CSMD1: variants seen among roughly 807,000 people sequenced by gnomAD.
CSMD1 encodes the protein CUB and sushi domain-containing protein 1.
Under a neutral mutation model 417.5 loss-of-function variants are expected in CSMD1, and 213 were observed. That is an observed-to-expected ratio of 0.51 (90% CI 0.46 to 0.57). CSMD1 has a LOEUF of 0.57. Ranked by LOEUF, CSMD1 falls within the 20% of genes least tolerant of loss-of-function variation. The pLI, the probability that CSMD1 is intolerant of heterozygous loss-of-function variation, is 0.00. For synonymous variants in CSMD1, 2,862 were observed against 1,736.8 expected (o/e 1.65, Z -16.11); for missense variants, 6,923 against 4,529.7 (o/e 1.53, Z -15.17).
rs376395541 is a variant in CSMD1, at chr8:3,670,058, G to A, written c.1009+38356C>T. Among the ~76,000 whole-genome samples, 53 of 152,280 alleles carry A rather than the reference G, an allele frequency of 3.5e-4. 3 individuals carry two copies. The South Asian group carries it at 0.01, about 29-fold the overall frequency. ...ATGTTCCTAGGGTCTCACAATTTGT[G>A]ATGGTTAATACTGAGTGTCAACTTG... On this transcript the variant is annotated intron_variant, in intron 7 of 69. Coordinates refer to ENST00000635120, the MANE Select transcript of CSMD1 (RefSeq NM_033225.6).
In CSMD1 at chr8:4,141,157, C is replaced by G. The variant is rs142408666; in HGVS notation, c.416-109058G>C. 6.3e-3 allele frequency among the ~76,000 whole-genome samples: 955 copies of G among 151,238 alleles called. 13 individuals are homozygous for G. The highest frequency in any genetic ancestry group is 7.8e-3 in the Non-Finnish European group (530 of 68,020). ...AAGAGAGCTCCAATAAGTAACAGAA[C>G]GTGTCTCTCACAGTTTCAAAAAATT... On this transcript the variant is annotated intron_variant, in intron 3 of 69. Coordinates refer to ENST00000635120, the MANE Select transcript of CSMD1 (RefSeq NM_033225.6).
At chr8:3,507,627 T>C (rs1379193730) in intron 10 of CSMD1, among the ~76,000 whole-genome samples, 1 of 152,188 alleles carries the variant, frequency 6.6e-6, no homozygotes, top group Admixed American at 6.5e-5. Flanking sequence ...ACCAACAGTG[T>C]AAAAGTGTTC....
intron 25 of CSMD1, among the ~76,000 whole-genome samples, chr8:3,284,980 C>T (rs972467039): frequency 1.3e-5 from 2 of 152,126 alleles, no homozygotes; most frequent in Non-Finnish European, 2.9e-5. Flanking sequence ...AGGTATTTTT[C>T]AGAGTGACTT....
At chr8:3,291,098 G>T (rs538384838) in intron 25 of CSMD1, among the ~76,000 whole-genome samples, 5 of 152,016 alleles carry the variant, frequency 3.3e-5, no homozygotes, top group East Asian at 3.9e-4. Flanking sequence ...GGTTTTTGTC[G>T]TTGGTTCTGT....
At position 4,012,381 on chromosome 8, in the gene CSMD1, G is replaced by C. The variant is rs184340540; in HGVS notation, c.611-14271C>G. 4.1e-4 allele frequency among the ~76,000 whole-genome samples: 62 copies of C among 152,158 alleles called. 2 individuals carry two copies. In the East Asian group the frequency reaches 0.011, roughly 27 times the overall value. On this transcript the variant is annotated intron_variant, in intron 4 of 69. Coordinates refer to ENST00000635120, the MANE Select transcript of CSMD1 (RefSeq NM_033225.6). ...CCTAAATACATTCATTCATTGCCTT[G>C]TTGATCTCATCCAGTTTGCGTCGCG...
In CSMD1 at chr8:4,360,095, A is replaced by G. The variant is rs368575933; in HGVS notation, c.415+59858T>C. Among the ~76,000 whole-genome samples the G allele has an allele frequency of 7.5e-4, 114 of 152,246 alleles. 1 individual carries two copies. The highest frequency in any genetic ancestry group is 2.5e-3 in the South Asian group (12 of 4,820). ...TGGGATCTCGGACAAGTTACTTAAC[A>G]TATCTGTATGTCTGGTTTCCTCTCT... On this transcript the variant is annotated intron_variant, in intron 3 of 69. Transcript: ENST00000635120.
intron 2 of CSMD1, among the ~76,000 whole-genome samples, chr8:4,473,243 T>G (rs1011483231): frequency 2.0e-5 from 3 of 152,222 alleles, no homozygotes; most frequent in East Asian, 3.8e-4. Flanking sequence ...AGCCATTTTG[T>G]AAAATTGTAA....
intron 1 of CSMD1, among the ~76,000 whole-genome samples, chr8:4,984,217 G>C (rs998082185): frequency 7.2e-5 from 11 of 152,172 alleles, no homozygotes; most frequent in Admixed American, 4.6e-4. Flanking sequence ...ACCATCACAG[G>C]ACTTGAAGGG....
intron 3 of CSMD1, among the ~76,000 whole-genome samples, chr8:4,393,342 A>T (rs1200164309): frequency 6.6e-6 from 1 of 152,178 alleles, no homozygotes; most frequent in East Asian, 1.9e-4. Flanking sequence ...GGCAGCAGAA[A>T]AATCATTTTC....
At chr8:3,724,047 A>T (rs540082779) in intron 6 of CSMD1, among the ~76,000 whole-genome samples, 1 of 86,212 alleles carries the variant, frequency 1.2e-5, no homozygotes, top group African/African-American at 2.9e-5. Flanking sequence ...CTATCTGTGT[A>T]AACACAGATT....
At position 3,149,523 on chromosome 8, in the gene CSMD1, G is replaced by C. The variant is rs775546024; in HGVS notation, c.6031+1874C>G. 2.0e-5 allele frequency among the ~76,000 whole-genome samples: 3 copies of C among 152,266 alleles called. No individual in the cohort carries two copies. In the East Asian group the frequency reaches 5.8e-4, roughly 29 times the overall value. On this transcript the variant is annotated intron_variant, in intron 40 of 69. Coordinates refer to ENST00000635120, the MANE Select transcript of CSMD1 (RefSeq NM_033225.6). ...AGACAGAGTCTCGCTCTGTCACCAA[G>C]CTGGAGCGCAGTGGCGTGATCGTGG...
chr8:3,974,398 G>C (rs1013386922), intron 5 of CSMD1, among the ~76,000 whole-genome samples: 4 of 151,874 alleles, frequency 2.6e-5, no homozygotes, highest in African/African-American at 7.2e-5. Flanking sequence ...AATTAAACAT[G>C]TATTTTTATT....
chr8:3,915,503 G>A (rs533747260), intron 5 of CSMD1, among the ~76,000 whole-genome samples: 3 of 151,386 alleles, frequency 2.0e-5, no homozygotes, highest in African/African-American at 7.3e-5. Context: ...CATGAAACAG[G>A]ACATTACTGG....
At chr8:4,499,436 C>T (rs893009810) in intron 2 of CSMD1, among the ~76,000 whole-genome samples, 2 of 152,132 alleles carry the variant, frequency 1.3e-5, no homozygotes, top group African/African-American at 2.4e-5. Flanking sequence ...ATCTGACAGA[C>T]GAAACTGCTC....
intron 38 of CSMD1, among the ~76,000 whole-genome samples, chr8:3,159,007 G>C (rs993774509): frequency 1.3e-5 from 2 of 151,994 alleles, no homozygotes; most frequent in Non-Finnish European, 2.9e-5. Flanking sequence ...CATACCTCTT[G>C]ATATTTTTAA....
chr8:3,202,374 C>T (rs1395838419), intron 31 of CSMD1, among the ~76,000 whole-genome samples: 1 of 152,190 alleles, frequency 6.6e-6, no homozygotes. Context: ...GATTCTCTGG[C>T]ATATAATAGG....
intron 54 of CSMD1, among the ~76,000 whole-genome samples, chr8:2,995,450 T>A (rs1280529789): frequency 6.6e-6 from 1 of 152,186 alleles, no homozygotes; most frequent in African/African-American, 2.4e-5. Context: ...TGGGTAGGGA[T>A]GACAAATAGT....
At chr8:4,730,149 G>C (rs774327910) in intron 1 of CSMD1, among the ~76,000 whole-genome samples, 33 of 152,012 alleles carry the variant, frequency 2.2e-4, no homozygotes, top group Admixed American at 7.2e-4. Flanking sequence ...GAGATTCCCA[G>C]AATGCAAAGC....
At chr8:4,767,425 A>C (rs1333696262) in intron 1 of CSMD1, among the ~76,000 whole-genome samples, 1 of 152,116 alleles carries the variant, frequency 6.6e-6, no homozygotes, top group Non-Finnish European at 1.5e-5. Context: ...TTCTCATTAA[A>C]ACATCATCCT....
Sources: gnomAD v4.1 joint callset for allele counts (sites outside exome capture counted in the v4.1 genomes callset) on GRCh38, gnomAD v4.1.1 for gene constraint, MANE v1.5 for transcripts, NCBI Gene and HGNC (gene_info 2026-07-23, HGNC 2026-07-21) for gene names.